Variants in SEL1L3 observed in about 807,000 individuals in gnomAD.
SEL1L3 encodes protein sel-1 homolog 3.
Under a neutral mutation model 142.8 loss-of-function variants are expected in SEL1L3, and 76 were observed. That is an observed-to-expected ratio of 0.53 (90% CI 0.44 to 0.64). The LOEUF (loss-of-function observed/expected upper bound fraction) is 0.64. Among genes scored for constraint, SEL1L3 ranks in the 30% least tolerant of loss-of-function variants. The pLI is 0.00. For missense variants in SEL1L3, 1,262 were observed against 1,381.7 expected (o/e 0.91, Z 1.37); for synonymous variants, 504 against 519.6 (o/e 0.97, Z 0.41).
chr4:25,842,035 G>A (rs2109301039), intron 2 of SEL1L3, among the ~76,000 whole-genome samples: 1 of 152,266 alleles, frequency 6.6e-6, no homozygotes, highest in East Asian at 1.9e-4. Context: ...TTCAGTAGCA[G>A]TAAGTGACTG....
At chr4:25,807,107 A>G (rs1713639487) in intron 9 of SEL1L3, among the ~76,000 whole-genome samples, 3 of 152,184 alleles carry the variant, frequency 2.0e-5, no homozygotes, top group Admixed American at 2.0e-4. Context: ...TTTTTAAATT[A>G]ACTACACATT....
chr4:25,842,017 A>G (rs1716196400), intron 2 of SEL1L3, among the ~76,000 whole-genome samples: 1 of 152,200 alleles, frequency 6.6e-6, no homozygotes, highest in Admixed American at 6.5e-5. Context: ...CCTGGCACAT[A>G]GCAAATGTTC....
intron 9 of SEL1L3, among the ~76,000 whole-genome samples, chr4:25,811,767 GT>G (rs1417455176): frequency 1.1e-5 from 1 of 91,398 alleles, no homozygotes; most frequent in Non-Finnish European, 2.6e-5. Flanking sequence ...TTTTTTTTTT[GT>G]TGTTGTTGTT....
chr4:25,791,728 A>T (rs948419227), intron 11 of SEL1L3, among the ~76,000 whole-genome samples: 2 of 152,184 alleles, frequency 1.3e-5, no homozygotes, highest in African/African-American at 4.8e-5. Flanking sequence ...AGCCTGGCCA[A>T]TGTGGTGAAA....
chr4:25,749,353 C>T (rs1717440652), intron 23 of SEL1L3, among the ~76,000 whole-genome samples: 1 of 151,414 alleles, frequency 6.6e-6, no homozygotes, highest in Non-Finnish European at 1.5e-5. Flanking sequence ...GATAAATCAG[C>T]AATGAGTTTT....
At chr4:25,772,644 A>C (rs1415316484) in intron 17 of SEL1L3, among the ~76,000 whole-genome samples, 1 of 152,122 alleles carries the variant, frequency 6.6e-6, no homozygotes, top group Admixed American at 6.5e-5. Context: ...AAAGAAGGGA[A>C]AGAAAAGAGA....
chr4:25,799,499 G>A (rs1056874626), intron 11 of SEL1L3, among the ~76,000 whole-genome samples: 1 of 152,160 alleles, frequency 6.6e-6, no homozygotes, highest in Non-Finnish European at 1.5e-5. Context: ...TGAGGTACTG[G>A]GAATTGGAAC....
intron 9 of SEL1L3, among the ~76,000 whole-genome samples, chr4:25,807,096 T>G (rs1055670078): frequency 3.3e-5 from 5 of 152,220 alleles, no homozygotes; most frequent in African/African-American, 9.6e-5. Flanking sequence ...CTCGACTTTC[T>G]TTTTTAAATT....
At chr4:25,831,063 A>G (rs1167851072) in intron 5 of SEL1L3, among the ~76,000 whole-genome samples, 1 of 152,054 alleles carries the variant, frequency 6.6e-6, no homozygotes, top group Non-Finnish European at 1.5e-5. Flanking sequence ...TACACACACC[A>G]AAAAAAATTT....
chr4:25,793,638 G>T (rs1420971546), intron 11 of SEL1L3, among the ~76,000 whole-genome samples: 1 of 152,106 alleles, frequency 6.6e-6, no homozygotes, highest in Non-Finnish European at 1.5e-5. Context: ...TCAGATGGAG[G>T]GGATCTGAAT....
rs57302921 is a variant in SEL1L3, at chr4:25,755,251, TTTTTATTTTA to T, written c.3259+2273_3259+2282del. Among the ~76,000 whole-genome samples, 518 of 148,966 alleles carry T rather than the reference TTTTTATTTTA, an allele frequency of 3.5e-3. 10 individuals are homozygous for T. Among genetic ancestry groups the T allele is most frequent in the Middle Eastern group, 6.9e-3 (2 of 288 alleles). ...GGCATGTGCAATGACACCTGGCTAA[TTTTTATTTTA>T]TTTTATTTTATTTTATTTTATTTTA... On this transcript the variant is annotated intron_variant, in intron 23 of 23. Transcript: ENST00000399878.
At chr4:25,718,284 A>G in the SEL1L3 span, 4 of 152,182 alleles carry the variant, frequency 2.6e-5, no homozygotes, top group African/African-American at 9.6e-5. Context: ...CATAATAGTG[A>G]CATTTGATCA....
chr4:25,779,874 T>A (rs1719880808), intron 15 of SEL1L3, among the ~76,000 whole-genome samples: 1 of 152,204 alleles, frequency 6.6e-6, no homozygotes, highest in African/African-American at 2.4e-5. Context: ...CCTTACTAGC[T>A]GTGTGGACTT....
intron 15 of SEL1L3, 110 bp downstream of exon 15, chr4:25,782,132 G>A (rs1720042357): frequency 1.0e-5 from 10 of 952,406 alleles, no homozygotes; most frequent in Non-Finnish European, 1.4e-5. Context: ...AGCTCCTCGA[G>A]GACAGGGACT....
chr4:25,845,942 A>C (rs1312335563), intron 2 of SEL1L3, among the ~76,000 whole-genome samples: 1 of 152,102 alleles, frequency 6.6e-6, no homozygotes, highest in East Asian at 1.9e-4. Flanking sequence ...AGTCGTGAGG[A>C]AGGTGTTTAA....
intron 6 of SEL1L3, among the ~76,000 whole-genome samples, chr4:25,828,686 G>A (rs1038545464): frequency 4.0e-5 from 6 of 151,874 alleles, no homozygotes; most frequent in Non-Finnish European, 5.9e-5. Context: ...GTAAAATGCC[G>A]GGCCAAGAGT....
At chr4:25,843,332 A>C (rs1716291799) in intron 2 of SEL1L3, among the ~76,000 whole-genome samples, 1 of 152,184 alleles carries the variant, frequency 6.6e-6, no homozygotes, top group Non-Finnish European at 1.5e-5. Context: ...AGGCAGTGCC[A>C]GGAGTCCAGA....
In SEL1L3 at chr4:25,788,111, A is replaced by G. The variant is rs1711975829; in HGVS notation, c.2217+113T>C. On this transcript the variant is annotated intron_variant, in intron 13 of 23. Coordinates refer to ENST00000399878, the MANE Select transcript of SEL1L3 (RefSeq NM_015187.5). This position sits in a 1 kb window ranked among gnomAD's most constrained non-coding sequence, Gnocchi z 5.3. ...CTTTTCCATCAAGAGTGACAGAAGCATATACTAAATTTCTTCAGTTATCGA... is the reference window on the plus strand; with the variant it reads ...CTTTTCCATCAAGAGTGACAGAAGCGTATACTAAATTTCTTCAGTTATCGA... The G allele has an allele frequency of 1.1e-5, 10 of 948,594 alleles. No homozygotes were observed. 58.8% of individuals were successfully genotyped at this position (948,594 alleles called of 1,614,324 possible).
chr4:25,819,952 C>G lies in SEL1L3; in HGVS notation c.1291-12G>C. 1 of 1,605,286 alleles carries G rather than the reference C, an allele frequency of 6.2e-7. No homozygotes were observed. The highest frequency in any genetic ancestry group is 8.5e-7 in the Non-Finnish European group (1 of 1,175,470). The stretch of plus-strand genomic sequence containing the variant: ...AGGGGATTAAAAATCTACAAGAAGG[C>G]AAGAAAGTCAAATGAACAACAATTG... On this transcript the variant is annotated splice_polypyrimidine_tract_variant and intron_variant, in intron 7 of 23. Transcript: ENST00000399878.
Sources: gnomAD v4.1 joint callset for allele counts (sites outside exome capture counted in the v4.1 genomes callset) on GRCh38, gnomAD v4.1.1 for gene constraint, Gnocchi (gnomAD v3.1) non-coding constraint, MANE v1.5 for transcripts, NCBI Gene and HGNC (gene_info 2026-07-23, HGNC 2026-07-21) for gene names.